MGA: variants seen among roughly 807,000 people sequenced by gnomAD.
MGA encodes MAX gene-associated protein.
MGA carries 40 observed loss-of-function variants against 261.1 expected under a neutral mutation model. That is an observed-to-expected ratio of 0.15 (90% confidence interval 0.12 to 0.20). The LOEUF (loss-of-function observed/expected upper bound fraction) is 0.20. Among genes scored for constraint, MGA ranks in the 10% least tolerant of loss-of-function variants. MGA has a pLI of 1.00. For missense variants in MGA, 3,397 were observed against 3,630.5 expected (o/e 0.94, Z 1.65); for synonymous variants, 1,302 against 1,290.6 (o/e 1.01, Z -0.19).
At chr15:41,705,596 A>G (rs1329492133) in intron 5 of MGA, among the ~76,000 whole-genome samples, 3 of 152,130 alleles carry the variant, frequency 2.0e-5, no homozygotes, top group Admixed American at 6.5e-5. Flanking sequence ...TTTCGGGCTC[A>G]ACCAGTCCTT....
chr15:41,690,120 C>G (rs2059195603), intron 2 of MGA, among the ~76,000 whole-genome samples: 1 of 152,142 alleles, frequency 6.6e-6, no homozygotes, highest in African/African-American at 2.4e-5. Flanking sequence ...TCCACCCAAT[C>G]CAACACAACC....
intron 15 of MGA, among the ~76,000 whole-genome samples, chr15:41,745,369 A>G (rs1442179464): frequency 6.6e-6 from 1 of 150,850 alleles, no homozygotes; most frequent in Non-Finnish European, 1.5e-5. Context: ...CTATAAAGAA[A>G]TACACTGGAA....
intron 2 of MGA, among the ~76,000 whole-genome samples, chr15:41,686,628 T>C (rs893239801): frequency 6.6e-6 from 1 of 152,198 alleles, no homozygotes; most frequent in African/African-American, 2.4e-5. Context: ...TTTTGTGTAG[T>C]GCTCTTTATC....
At chr15:41,757,584 GA>G (rs781563352) in intron 18 of MGA, among the ~76,000 whole-genome samples, 7 of 152,246 alleles carry the variant, frequency 4.6e-5, no homozygotes, top group Non-Finnish European at 1.0e-4. Context: ...AATATTTCAT[GA>G]TTGTACAAAG....
intron 15 of MGA, 111 bp from the exon 16 acceptor site, chr15:41,748,526 A>G (rs760365982): frequency 1.4e-4 from 180 of 1,261,742 alleles, no homozygotes; most frequent in Non-Finnish European, 1.7e-4. Context: ...ATTGCACTCC[A>G]GCCTGAGCAA....
chr15:41,729,456 C>T (rs2061399811), intron 11 of MGA, 107 bp downstream of exon 11: 9 of 1,038,688 alleles, frequency 8.7e-6, no homozygotes, highest in South Asian at 1.7e-5. Context: ...GCAGAGAAGT[C>T]ATACATGACA....
At chr15:41,662,790 C>T (rs764379725) in intron 1 of MGA, among the ~76,000 whole-genome samples, 1 of 152,136 alleles carries the variant, frequency 6.6e-6, no homozygotes, top group Non-Finnish European at 1.5e-5. Flanking sequence ...TGTAATTTAA[C>T]CATATTCTTA....
At chr15:41,756,651 C>T (rs1429130215) in intron 18 of MGA, among the ~76,000 whole-genome samples, 3 of 151,924 alleles carry the variant, frequency 2.0e-5, no homozygotes, top group Non-Finnish European at 2.9e-5. Context: ...AAAAAAAATT[C>T]GGGGAAATTC....
chr15:41,716,230 G>A (rs567676187), intron 9 of MGA, among the ~76,000 whole-genome samples: 37 of 151,778 alleles, frequency 2.4e-4, no homozygotes, highest in Admixed American at 2.2e-3. Flanking sequence ...GGCAGATCAC[G>A]AGGTCAGGAG....
intron 22 of MGA, 98 bp downstream of exon 22, chr15:41,762,460 G>GTTTT (rs1491528643): frequency 1.9e-4 from 37 of 190,534 alleles, no homozygotes; most frequent in East Asian, 5.8e-4. Context: ...AGTTTTGTGT[G>GTTTT]GTTTTTTTTT....
intron 1 of MGA, among the ~76,000 whole-genome samples, chr15:41,624,209 T>G (rs1233961848): frequency 6.6e-6 from 1 of 151,276 alleles, no homozygotes; most frequent in Non-Finnish European, 1.5e-5. Context: ...GGATTATAGG[T>G]GCAGGCCACC....
chr15:41,697,249 A>G (rs2059589186), intron 3 of MGA, among the ~76,000 whole-genome samples: 1 of 152,028 alleles, frequency 6.6e-6, no homozygotes, highest in African/African-American at 2.4e-5. Flanking sequence ...TCTTGCTTAG[A>G]TTTCAGTTTA....
At chr15:41,668,156 G>C (rs1333259919) in intron 1 of MGA, among the ~76,000 whole-genome samples, 1 of 150,800 alleles carries the variant, frequency 6.6e-6, no homozygotes, top group Admixed American at 6.6e-5. Context: ...ACTGGTTTTA[G>C]ATTTTGTGTC....
At chr15:41,723,523 C>T (rs1055169673) in intron 9 of MGA, among the ~76,000 whole-genome samples, 38 of 152,300 alleles carry the variant, frequency 2.5e-4, no homozygotes, top group Middle Eastern at 3.4e-3. Flanking sequence ...TCAAGCGGTC[C>T]TTCCGTCTTA....
intron 22 of MGA, among the ~76,000 whole-genome samples, chr15:41,763,450 TAAG>T (rs2063610951): frequency 6.6e-6 from 1 of 151,240 alleles, no homozygotes; most frequent in Non-Finnish European, 1.5e-5. Context: ...ACATTACTAT[TAAG>T]AAACAGTAGG....
chr15:41,702,730 T>A (rs1485651034), intron 5 of MGA, among the ~76,000 whole-genome samples: 4 of 152,256 alleles, frequency 2.6e-5, no homozygotes, highest in East Asian at 1.9e-4. Context: ...TTTTGTTTGC[T>A]ATATTTACTG....
intron 8 of MGA, 110 bp downstream of exon 8, chr15:41,711,459 A>G (rs1250095126): frequency 7.1e-6 from 8 of 1,134,400 alleles, no homozygotes; most frequent in Non-Finnish European, 9.8e-6. Context: ...GCTAGTTTTT[A>G]GCATTTAGAA....
At chr15:41,724,720 A>G (rs2061135587) in intron 9 of MGA, among the ~76,000 whole-genome samples, 1 of 152,310 alleles carries the variant, frequency 6.6e-6, no homozygotes, top group Non-Finnish European at 1.5e-5. Flanking sequence ...TTGGTGAATT[A>G]TGTTATAAAG....
intron 2 of MGA, among the ~76,000 whole-genome samples, chr15:41,680,168 G>C (rs950080014): frequency 6.6e-6 from 1 of 152,106 alleles, no homozygotes; most frequent in Non-Finnish European, 1.5e-5. Context: ...GTGGTAAGGC[G>C]TTTTTCTAAC....
Sources: allele counts gnomAD v4.1 joint callset (sites outside exome capture counted in the v4.1 genomes callset), GRCh38; gene constraint gnomAD v4.1.1; transcripts MANE v1.5; gene names NCBI Gene and HGNC (gene_info 2026-07-23, HGNC 2026-07-21).